SNX14: variants seen among roughly 807,000 people sequenced by gnomAD.
SNX14 encodes sorting nexin-14.
SNX14 carries 93 observed loss-of-function variants against 133.8 expected under a neutral mutation model. The observed-to-expected ratio is 0.70, with a 90% confidence interval of 0.59 to 0.83. The LOEUF is 0.83. Among genes scored for constraint, SNX14 ranks in the 40% least tolerant of loss-of-function variants. The pLI is 0.00. For missense variants in SNX14, 945 were observed against 1,094.9 expected (o/e 0.86, Z 1.93); for synonymous variants, 368 against 365.6 (o/e 1.01, Z -0.07).
rs191362205 is a variant in SNX14 at position 85,560,896 on chromosome 6, T to G, written c.550-2836A>C. On this transcript the variant is annotated intron_variant, in intron 6 of 28. Transcript: ENST00000314673. ...TAAAAATACAAAAATTAGCCAGGCATGGTGGCGGGCACCTGTAATCCTAGC... is the reference window on the plus strand; with the variant it reads ...TAAAAATACAAAAATTAGCCAGGCAGGGTGGCGGGCACCTGTAATCCTAGC... Among the ~76,000 whole-genome samples, 100 of 150,972 alleles carry G rather than the reference T, an allele frequency of 6.6e-4. 1 individual carries two copies. Among genetic ancestry groups the G allele is most frequent in the Non-Finnish European group, 4.4e-5 (3 of 67,818 alleles).
intron 1 of SNX14, among the ~76,000 whole-genome samples, chr6:85,584,288 T>C (rs1333921344): frequency 2.0e-5 from 3 of 152,034 alleles, no homozygotes; most frequent in African/African-American, 7.2e-5. Context: ...CCCAAAACCA[T>C]AAAAACCCTA....
chr6:85,549,797 A>G lies in SNX14; in HGVS notation c.717T>C (p.Asp239=). ...ELHVALRSRR[D]ELHYLRKLTE... ...TAAGTTTCCTTAAATAGTGCAATTC[A>G]TCTCTTCGACTTCTCAAAGCAACAT... The change falls in exon 8 of 29, where the codon GAT becomes GAC. Residue 239 remains aspartate, a synonymous_variant. Coordinates refer to ENST00000314673, the MANE Select transcript of SNX14 (RefSeq NM_153816.6). 1 of 1,614,062 alleles carries G rather than the reference A, an allele frequency of 6.2e-7. No homozygotes were observed. Among genetic ancestry groups the G allele is most frequent in the South Asian group, 1.1e-5 (1 of 91,084 alleles).
chr6:85,521,827 G>A (rs990426493), intron 21 of SNX14, among the ~76,000 whole-genome samples: 1 of 152,134 alleles, frequency 6.6e-6, no homozygotes, highest in East Asian at 1.9e-4. Flanking sequence ...GACTAAAGTC[G>A]AGAAGCATCC....
intron 8 of SNX14, among the ~76,000 whole-genome samples, chr6:85,548,598 A>C (rs1401865957): frequency 1.3e-5 from 2 of 152,186 alleles, no homozygotes; most frequent in Admixed American, 6.5e-5. Flanking sequence ...TAGAGTTCTT[A>C]CTTGGCTAAA....
intron 24 of SNX14, 34 bp from the exon 25 acceptor site, chr6:85,514,268 C>T: frequency 1.3e-6 from 2 of 1,572,068 alleles, no homozygotes; most frequent in South Asian, 2.4e-5. Context: ...CCTCATTGTT[C>T]CAGATGAATT....
At chr6:85,561,204 G>A (rs1158753790) in intron 6 of SNX14, 2 of 151,538 alleles carry the variant, frequency 1.3e-5, no homozygotes, top group Non-Finnish European at 2.9e-5. Flanking sequence ...TGAGGCGGTA[G>A]TGGCACACGC....
chr6:85,553,900 ATAAAT>A (rs1298051957), intron 7 of SNX14, among the ~76,000 whole-genome samples: 2 of 152,256 alleles, frequency 1.3e-5, no homozygotes, highest in African/African-American at 2.4e-5. Context: ...CACATAATAT[ATAAAT>A]TAAATCACCA....
chr6:85,560,597 T>C (rs1791215771), intron 6 of SNX14, among the ~76,000 whole-genome samples: 3 of 152,188 alleles, frequency 2.0e-5, no homozygotes, highest in African/African-American at 7.2e-5. Context: ...CTAAAAACCA[T>C]CAAATCATAT....
intron 1 of SNX14, among the ~76,000 whole-genome samples, chr6:85,590,345 A>T (rs2128246154): frequency 6.6e-6 from 1 of 152,312 alleles, no homozygotes; most frequent in African/African-American, 2.4e-5. Flanking sequence ...GTCCTTTGTG[A>T]CATTTTTTCC....
rs760344274 is a variant in SNX14 at position 85,541,446 on chromosome 6, T to G, written c.1448+539A>C. On this transcript the variant is annotated intron_variant, in intron 15 of 28. Transcript: ENST00000314673. ...AAATCTACAGAATAGATTTATAGATTTGATGTCTGTATCAATTTTGTACAT... is the reference window on the plus strand; with the variant it reads ...AAATCTACAGAATAGATTTATAGATGTGATGTCTGTATCAATTTTGTACAT... 2.0e-5 allele frequency among the ~76,000 whole-genome samples: 3 copies of G among 152,192 alleles called. No individual in the cohort carries two copies. In the East Asian group the frequency reaches 5.8e-4, roughly 29 times the overall value.
chr6:85,564,987 TAA>T (rs766090823), intron 6 of SNX14, among the ~76,000 whole-genome samples: 8 of 133,618 alleles, frequency 6.0e-5, no homozygotes, highest in Admixed American at 1.5e-4. Flanking sequence ...AAACTCTGTC[TAA>T]AAAAAAAAAA....
intron 16 of SNX14, among the ~76,000 whole-genome samples, chr6:85,538,402 A>T (rs1008355267): frequency 6.6e-6 from 1 of 152,132 alleles, no homozygotes; most frequent in African/African-American, 2.4e-5. Flanking sequence ...TACAACATGG[A>T]TACTATAAAA....
intron 14 of SNX14, among the ~76,000 whole-genome samples, chr6:85,542,936 T>G (rs1784276593): frequency 6.6e-6 from 1 of 152,110 alleles, no homozygotes; most frequent in South Asian, 2.1e-4. Context: ...CCAGCTAATT[T>G]TTTCTATTTT....
At chr6:85,520,476 G>A (rs1292615210) in intron 21 of SNX14, among the ~76,000 whole-genome samples, 1 of 151,560 alleles carries the variant, frequency 6.6e-6, no homozygotes, top group Non-Finnish European at 1.5e-5. Context: ...TCCTGCCTCA[G>A]CCTCTTGAGT....
intron 21 of SNX14, among the ~76,000 whole-genome samples, chr6:85,519,671 C>T (rs1423689869): frequency 2.6e-5 from 4 of 151,960 alleles, no homozygotes; most frequent in African/African-American, 9.7e-5. Context: ...GAGTTCGAGA[C>T]CAGCCTGACC....
At position 85,544,909 on chromosome 6, in the gene SNX14, T is replaced by C. The variant is rs997209131; in HGVS notation, c.1109-1149A>G. Among the ~76,000 whole-genome samples the C allele has an allele frequency of 4.6e-5, 7 of 152,174 alleles. No homozygotes were observed. The East Asian group carries it at 1.3e-3, about 29-fold the overall frequency. Reference sequence around the variant, plus strand: ...AGCACCGGGACAGTAAATATGCCAATAATTGTAAGAACCTTTAAAAATGAA... The same window carrying C: ...AGCACCGGGACAGTAAATATGCCAACAATTGTAAGAACCTTTAAAAATGAA... On this transcript the variant is annotated intron_variant, in intron 12 of 28. Transcript: ENST00000314673.
intron 17 of SNX14, among the ~76,000 whole-genome samples, chr6:85,536,452 G>C (rs1381852959): frequency 6.6e-6 from 1 of 152,178 alleles, no homozygotes; most frequent in Non-Finnish European, 1.5e-5. Context: ...TATACCTGGA[G>C]TACATGGTGG....
At chr6:85,518,178 C>G (rs1184228459) in intron 21 of SNX14, 130 bp from the exon 22 acceptor site, 1 of 667,030 alleles carries the variant, frequency 1.5e-6, no homozygotes, top group Non-Finnish European at 2.6e-6. Flanking sequence ...TTATGATTGA[C>G]CATTTCACAC....
At chr6:85,587,207 CA>C (rs61330164) in intron 1 of SNX14, among the ~76,000 whole-genome samples, 57,961 of 146,914 alleles carry the variant, frequency 0.39, 11,327 homozygotes, top group East Asian at 0.61. Flanking sequence ...AAAGATAAGG[CA>C]AAAAAAAAAA....
Sources: gnomAD v4.1 joint callset for allele counts (sites outside exome capture counted in the v4.1 genomes callset) on GRCh38, gnomAD v4.1.1 for gene constraint, MANE v1.5 for transcripts, NCBI Gene and HGNC (gene_info 2026-07-23, HGNC 2026-07-21) for gene names.